The following CDH12 variants were observed in gnomAD, a reference collection of about 807,000 sequenced individuals.
The protein encoded by CDH12 is cadherin-12.
In CDH12, 41 loss-of-function variants were observed where a neutral mutation model predicts 74.1. That is an observed-to-expected ratio of 0.55 (90% CI 0.43 to 0.72). The LOEUF (loss-of-function observed/expected upper bound fraction) is 0.72, where lower values mean the gene tolerates loss of function less well. Ranked by LOEUF, CDH12 falls within the 30% of genes least tolerant of loss-of-function variation. The pLI is 0.00. For missense variants in CDH12, 945 were observed against 977.2 expected, an observed-to-expected ratio of 0.97 and a Z score of 0.44; for synonymous variants, 399 against 355.0, an observed-to-expected ratio of 1.12 and a Z score of -1.39.
intron 3 of CDH12, among the ~76,000 whole-genome samples, chr5:22,286,169 G>T (rs1016694408): frequency 2.0e-5 from 3 of 152,008 alleles, no homozygotes; most frequent in Non-Finnish European, 4.4e-5. Flanking sequence ...GATTCAAAAT[G>T]TCTTATATGT....
chr5:22,152,310 G>C (rs1452802733), intron 4 of CDH12: 1 of 152,040 alleles, frequency 6.6e-6, no homozygotes, highest in Admixed American at 6.6e-5. Flanking sequence ...TGTTGTGGCA[G>C]ACAATATGCT....
At chr5:21,800,590 G>A (rs371882047) in intron 10 of CDH12, among the ~76,000 whole-genome samples, 2 of 152,138 alleles carry the variant, frequency 1.3e-5, no homozygotes, top group Admixed American at 6.5e-5. Context: ...TTCACCAGAC[G>A]CTGGATCTGC....
chr5:22,834,070 A>G (rs1736724351), intron 1 of CDH12, among the ~76,000 whole-genome samples: 1 of 152,142 alleles, frequency 6.6e-6, no homozygotes, highest in East Asian at 1.9e-4. Flanking sequence ...ACCTTCAACA[A>G]CTGAACACAA....
chr5:22,501,744 A>T, intron 2 of CDH12, among the ~76,000 whole-genome samples: 1 of 98,010 alleles, frequency 1.0e-5, no homozygotes, highest in African/African-American at 5.2e-5. Context: ...TACAAAGTAT[A>T]TTAAAAAAAA....
chr5:22,256,494 T>C (rs901684832), intron 3 of CDH12, among the ~76,000 whole-genome samples: 2 of 152,156 alleles, frequency 1.3e-5, no homozygotes, highest in African/African-American at 4.8e-5. Flanking sequence ...GTATAACTGG[T>C]TTATATATTT....
intron 4 of CDH12, among the ~76,000 whole-genome samples, chr5:22,176,529 T>C (rs1749347068): frequency 6.6e-6 from 1 of 152,074 alleles, no homozygotes; most frequent in South Asian, 2.1e-4. Flanking sequence ...ATGCTAGGTG[T>C]CATCTTTTTA....
At chr5:22,568,210 C>T (rs1425034700) in intron 1 of CDH12, among the ~76,000 whole-genome samples, 3 of 152,090 alleles carry the variant, frequency 2.0e-5, no homozygotes, top group African/African-American at 7.2e-5. Context: ...AGTATAATGC[C>T]ATAGCATAAG....
Position 22,047,243 on chromosome 5 carries a change from A to C in CDH12, c.231+31203T>G, listed in dbSNP as rs113919174. On this transcript the variant is annotated intron_variant, in intron 5 of 14. Coordinates refer to ENST00000382254, the MANE Select transcript of CDH12 (RefSeq NM_004061.5). ...CTGCTCACTCTAGGATCCCTTCCTT[A>C]AACTTTCAATTCCATGATATTCATT... Among the ~76,000 whole-genome samples the C allele has an allele frequency of 9.0e-3, 1,374 of 152,276 alleles. 12 individuals are homozygous for C. Among genetic ancestry groups the C allele is most frequent in the African/African-American group, 0.032 (1,310 of 41,558 alleles).
chr5:22,152,704 G>A (rs570930757), intron 4 of CDH12, among the ~76,000 whole-genome samples: 2 of 152,194 alleles, frequency 1.3e-5, no homozygotes, highest in South Asian at 2.1e-4. Context: ...GTTGTAAAAC[G>A]GATCTCTTGA....
chr5:22,222,283 A>C (rs1245560589), intron 3 of CDH12, among the ~76,000 whole-genome samples: 1 of 151,970 alleles, frequency 6.6e-6, no homozygotes, highest in Non-Finnish European at 1.5e-5. Context: ...ACAATTTACC[A>C]CACCGGAACT....
chr5:22,314,908 T>TAAAAGCAG (rs1258831360), intron 3 of CDH12, among the ~76,000 whole-genome samples: 1 of 141,810 alleles, frequency 7.1e-6, no homozygotes, highest in Non-Finnish European at 1.5e-5. Flanking sequence ...CTCAAGTGGA[T>TAAAAGCAG]AAAAGCAGAA....
At chr5:22,733,249 T>C (rs1744521724) in intron 1 of CDH12, among the ~76,000 whole-genome samples, 1 of 151,908 alleles carries the variant, frequency 6.6e-6, no homozygotes, top group Non-Finnish European at 1.5e-5. Flanking sequence ...CTTAATTAGC[T>C]TCATCACAAT....
intron 1 of CDH12, among the ~76,000 whole-genome samples, chr5:22,687,253 C>T (rs752852323): frequency 6.6e-6 from 1 of 151,564 alleles, no homozygotes; most frequent in Non-Finnish European, 1.5e-5. Flanking sequence ...GAGATTGAGC[C>T]ACTGTACTGC....
chr5:22,136,607 T>A (rs912577688), intron 4 of CDH12, among the ~76,000 whole-genome samples: 6 of 151,292 alleles, frequency 4.0e-5, no homozygotes, highest in Non-Finnish European at 8.8e-5. Flanking sequence ...ATATACATTA[T>A]AATCAACCAC....
chr5:22,547,970 G>T (rs1738405181), intron 1 of CDH12, among the ~76,000 whole-genome samples: 1 of 152,110 alleles, frequency 6.6e-6, no homozygotes, highest in South Asian at 2.1e-4. Context: ...TGGATCCAAA[G>T]GAATGAAATT....
chr5:21,803,681 C>T (rs992070211), intron 9 of CDH12, among the ~76,000 whole-genome samples: 7 of 152,058 alleles, frequency 4.6e-5, no homozygotes, highest in Non-Finnish European at 8.8e-5. Context: ...TGAGACAACA[C>T]GAATTTAACA....
intron 6 of CDH12, among the ~76,000 whole-genome samples, chr5:21,898,574 C>T (rs1182531025): frequency 1.3e-5 from 2 of 151,782 alleles, no homozygotes; most frequent in Admixed American, 6.6e-5. Context: ...TGGTGGCGGG[C>T]GCCTATAGTC....
chr5:22,499,362 A>C (rs1747241030), intron 2 of CDH12, among the ~76,000 whole-genome samples: 1 of 152,190 alleles, frequency 6.6e-6, no homozygotes, highest in Non-Finnish European at 1.5e-5. Context: ...ACATTTCCCC[A>C]TATATTTATC....
At chr5:22,841,309 G>T (rs959416140) in intron 1 of CDH12, among the ~76,000 whole-genome samples, 1 of 152,248 alleles carries the variant, frequency 6.6e-6, no homozygotes. Flanking sequence ...GGACATAAAA[G>T]GGCTTGATTG....
Sources: allele counts gnomAD v4.1 joint callset (sites outside exome capture counted in the v4.1 genomes callset), GRCh38; gene constraint gnomAD v4.1.1; transcripts MANE v1.5; gene names NCBI Gene and HGNC (gene_info 2026-07-23, HGNC 2026-07-21).